Variants in CERK observed in about 807,000 individuals in gnomAD.
CERK encodes acylsphingosine kinase.
A neutral mutation model predicts 63.4 loss-of-function variants in CERK; 39 were observed. The observed-to-expected ratio is 0.61, with a 90% CI of 0.48 to 0.80. The LOEUF (loss-of-function observed/expected upper bound fraction) is 0.80. Among genes scored for constraint, CERK ranks in the 30% least tolerant of loss-of-function variants. The pLI is 0.00. For synonymous variants in CERK, 302 were observed against 280.0 expected (o/e 1.08, Z -0.78); for missense variants, 670 against 714.1 (o/e 0.94, Z 0.70).
chr22:46,738,032 C>G lies in CERK; in HGVS notation c.117G>C (p.Gly39=), dbSNP rs2082984370. ...CCGCGCCGGGGGCGCCGGCTCCGGG[C>G]CCCGGGCTCCGCCACCAGCGCAGCA... ...RALLRWWRSP[G]PGAGAPGADA... The change falls in exon 1 of 13, where the codon GGG becomes GGC. Residue 39 remains glycine, a synonymous_variant. Coordinates refer to ENST00000216264, the MANE Select transcript of CERK (RefSeq NM_022766.6). 6 of 1,198,268 alleles carry G rather than the reference C, an allele frequency of 5.0e-6. No individual in the cohort carries two copies. In the Admixed American group the frequency reaches 2.8e-4, roughly 55 times the overall value. 74.2% of individuals were successfully genotyped at this position (1,198,268 alleles called of 1,614,324 possible). A position where few individuals can be genotyped will look rare whatever the true frequency, so the allele number is the denominator to read the frequency against.
intron 6 of CERK, among the ~76,000 whole-genome samples, chr22:46,703,819 G>GT (rs767434489): frequency 6.6e-6 from 1 of 152,134 alleles, no homozygotes; most frequent in Non-Finnish European, 1.5e-5. Context: ...GCATGGCAGA[G>GT]TGGAACTCGG....
intron 1 of CERK, among the ~76,000 whole-genome samples, chr22:46,722,751 G>T (rs2082898787): frequency 6.6e-6 from 1 of 152,142 alleles, no homozygotes. Flanking sequence ...TAGAGACAGG[G>T]TTTTGCCATG....
intron 1 of CERK, among the ~76,000 whole-genome samples, chr22:46,728,798 G>A (rs750077694): frequency 1.1e-4 from 17 of 152,330 alleles, no homozygotes; most frequent in Non-Finnish European, 1.9e-4. Flanking sequence ...CTCTGGCCTC[G>A]GGGACGTCTG....
At chr22:46,690,253 T>C (rs907081100) in intron 11 of CERK, 53 bp from the exon 12 acceptor site, 2 of 1,519,176 alleles carry the variant, frequency 1.3e-6, no homozygotes, top group Admixed American at 1.7e-5. Context: ...ATCGTCTGGG[T>C]GGGGCAGCAG....
At chr22:46,722,242 A>G (rs891487383) in intron 1 of CERK, among the ~76,000 whole-genome samples, 3 of 152,224 alleles carry the variant, frequency 2.0e-5, no homozygotes, top group Non-Finnish European at 4.4e-5. Context: ...GTAATTTTGC[A>G]TCATTTTTAA....
chr22:46,688,800 T>C (rs1315273957), intron 12 of CERK, among the ~76,000 whole-genome samples: 1 of 152,242 alleles, frequency 6.6e-6, no homozygotes, highest in African/African-American at 2.4e-5. Context: ...TTAACGAGCG[T>C]CAAGCTGGGC....
chr22:46,738,242 C>A lies in CERK; in HGVS notation c.-94G>T. On this transcript the variant is annotated 5_prime_UTR_variant, in exon 1 of 13. Transcript: ENST00000216264. ...CCCCTGCAGTGGCCCGGGCGGCGGGCGGCGGGCGGCGGGAGGCGGCGCTGC... is the reference window on the plus strand; with the variant it reads ...CCCCTGCAGTGGCCCGGGCGGCGGGAGGCGGGCGGCGGGAGGCGGCGCTGC... The A allele has an allele frequency of 1.4e-6, 1 of 707,006 alleles. No homozygotes were observed. The highest frequency in any genetic ancestry group is 1.7e-6 in the Non-Finnish European group (1 of 580,710). The allele number at this position is 707,006 out of a possible 1,614,324, so 43.8% of individuals were successfully genotyped here. A position where few individuals can be genotyped will look rare whatever the true frequency, so the allele number is the denominator to read the frequency against.
intron 1 of CERK, among the ~76,000 whole-genome samples, chr22:46,729,821 C>A (rs1247395102): frequency 6.6e-6 from 1 of 152,090 alleles, no homozygotes; most frequent in Non-Finnish European, 1.5e-5. Context: ...AGGTGAATCA[C>A]GAGGGCAGGA....
At chr22:46,722,509 ACT>A (rs1271324767) in intron 1 of CERK, among the ~76,000 whole-genome samples, 2 of 145,204 alleles carry the variant, frequency 1.4e-5, no homozygotes, top group African/African-American at 5.1e-5. Context: ...GTCCAGAGTG[ACT>A]CTCAGGGTCC....
In CERK at chr22:46,712,115, T is replaced by C. The variant is rs1045413094; in HGVS notation, c.505+53A>G. The C allele has an allele frequency of 1.1e-4, 179 of 1,604,058 alleles. 1 individual carries two copies. The Middle Eastern group carries it at 1.3e-3, about 12-fold the overall frequency. On this transcript the variant is annotated intron_variant, in intron 4 of 12. Coordinates refer to ENST00000216264, the MANE Select transcript of CERK (RefSeq NM_022766.6). ...AAAGCAGAAACGTCTCTAGTGACTA[T>C]ACTTGAATCATTCTCAAACTTACTT...
At chr22:46,689,482 T>G (rs62232612) in intron 12 of CERK, among the ~76,000 whole-genome samples, 9,803 of 152,282 alleles carry the variant, frequency 0.064, 614 homozygotes, top group African/African-American at 0.16. Context: ...GCGACTCTCC[T>G]GCCTCAGCCT....
chr22:46,722,369 G>A (rs964122950), intron 1 of CERK, among the ~76,000 whole-genome samples: 11 of 152,086 alleles, frequency 7.2e-5, no homozygotes, highest in African/African-American at 2.7e-4. Flanking sequence ...GATTCCCTCT[G>A]AAGTGAAGCC....
chr22:46,720,052 G>A, intron 3 of CERK, 34 bp downstream of exon 3: 1 of 1,605,138 alleles, frequency 6.2e-7, no homozygotes. Context: ...TGCCACCACG[G>A]CCATCCTGTC....
intron 3 of CERK, among the ~76,000 whole-genome samples, chr22:46,717,396 T>C (rs549454359): frequency 1.3e-5 from 2 of 152,242 alleles, no homozygotes; most frequent in East Asian, 3.9e-4. Context: ...CACTGTACCA[T>C]GGGTGAATAA....
At chr22:46,725,125 A>G (rs57033896) in intron 1 of CERK, among the ~76,000 whole-genome samples, 1,546 of 151,966 alleles carry the variant, frequency 0.01, 24 homozygotes, top group African/African-American at 0.036. Context: ...ACAGTGAGAG[A>G]ACTCCACAGT....
intron 2 of CERK, among the ~76,000 whole-genome samples, chr22:46,720,627 C>G (rs1268717914): frequency 6.6e-6 from 1 of 152,002 alleles, no homozygotes; most frequent in East Asian, 1.9e-4. Flanking sequence ...ACCCAGGAAG[C>G]AGAGGTTGAA....
intron 3 of CERK, among the ~76,000 whole-genome samples, chr22:46,719,148 TTG>T (rs10583580): frequency 0.17 from 25,956 of 149,780 alleles, 2,744 homozygotes; most frequent in Non-Finnish European, 0.23. Context: ...ACCTACCACT[TTG>T]TGTGTGTGTG....
chr22:46,695,888 C>G (rs1195622084), intron 8 of CERK, among the ~76,000 whole-genome samples: 2 of 152,216 alleles, frequency 1.3e-5, no homozygotes, highest in African/African-American at 2.4e-5. Flanking sequence ...AAACACCACC[C>G]AGCAGGACAG....
chr22:46,717,090 A>G (rs573745562), intron 3 of CERK, among the ~76,000 whole-genome samples: 27 of 152,354 alleles, frequency 1.8e-4, no homozygotes, highest in Admixed American at 1.4e-3. Flanking sequence ...AACCTCATTA[A>G]CCATTAGGGA....
Sources: allele counts gnomAD v4.1 joint callset (sites outside exome capture counted in the v4.1 genomes callset), GRCh38; gene constraint gnomAD v4.1.1; transcripts MANE v1.5; gene names NCBI Gene and HGNC (gene_info 2026-07-23, HGNC 2026-07-21).